ATP13A3: variants seen among roughly 807,000 people sequenced by gnomAD.
ATP13A3 encodes polyamine-transporting ATPase 13A3.
In ATP13A3, 59 loss-of-function variants were observed where a neutral mutation model predicts 158.1. That is an observed-to-expected ratio of 0.37 (90% CI 0.30 to 0.46). The LOEUF (loss-of-function observed/expected upper bound fraction) is 0.46, where lower values mean the gene tolerates loss of function less well. ATP13A3 is among the 20% of genes least tolerant of loss of function. The pLI is 1.00. For synonymous variants in ATP13A3, 491 were observed against 504.3 expected (o/e 0.97, Z 0.35); for missense variants, 1,166 against 1,525.2 (o/e 0.76, Z 3.92).
chr3:194,428,076 C>A (rs1379159258), intron 28 of ATP13A3, among the ~76,000 whole-genome samples: 2 of 151,936 alleles, frequency 1.3e-5, no homozygotes, highest in Non-Finnish European at 1.5e-5. Flanking sequence ...TAAAAATTAG[C>A]AGGGCATGAT....
rs1041524827 is a variant in ATP13A3, at chr3:194,412,215, G to A, written c.3557C>T (p.Thr1186Ile). ...AGTTCCAACCTGCGGTGGCTGTGTG[G>A]TGCTGAACCGATACTCTCCTTGTTT... Reference protein sequence around the residue: ...RDKQGEYRFSTTQPPQESVDR... With the variant: ...RDKQGEYRFSITQPPQESVDR... The change falls in exon 33 of 34, where the codon ACC becomes ATC. Residue 1186 changes from threonine to isoleucine, a missense_variant. Thr to Ile is a moderately conservative substitution (Grantham distance 89). Around this residue, in one of 3 missense-constraint regions of ATP13A3, gnomAD observed 997 missense variants for 1,341.2 expected, o/e 0.74. Transcript: ENST00000645319. 23 of 1,536,180 alleles carry A rather than the reference G, an allele frequency of 1.5e-5. No individual in the cohort carries two copies. The highest frequency in any genetic ancestry group is 6.8e-5 in the African/African-American group (5 of 73,030).
At chr3:194,433,953 T>A (rs1717436374) in intron 20 of ATP13A3, 57 bp from the exon 21 acceptor site, 1 of 1,522,440 alleles carries the variant, frequency 6.6e-7, no homozygotes, top group Non-Finnish European at 9.0e-7. Flanking sequence ...AAGCAACTTA[T>A]GTACACAAAC....
chr3:194,426,215 T>G (rs935927211), intron 29 of ATP13A3, among the ~76,000 whole-genome samples: 1 of 152,180 alleles, frequency 6.6e-6, no homozygotes, highest in Non-Finnish European at 1.5e-5. Flanking sequence ...GCAGTGTTTC[T>G]ACGCACATAT....
At chr3:194,470,682 T>G (rs1010611854) in intron 2 of ATP13A3, among the ~76,000 whole-genome samples, 2 of 152,240 alleles carry the variant, frequency 1.3e-5, no homozygotes, top group African/African-American at 4.8e-5. Flanking sequence ...ATTTCAATTA[T>G]TCAAGCTACT....
At position 194,414,715 on chromosome 3, in the gene ATP13A3, C is replaced by T. The variant is rs917462880; in HGVS notation, c.3403-876G>A. Reference sequence around the variant, plus strand: ...AAAGGCACAGATAAATAGACACACACGCATGTACACAAGCATGCACACTTC... The same window carrying T: ...AAAGGCACAGATAAATAGACACACATGCATGTACACAAGCATGCACACTTC... On this transcript the variant is annotated intron_variant, in intron 31 of 33. Coordinates refer to ENST00000645319, the MANE Select transcript of ATP13A3 (RefSeq NM_001367549.1). 7.2e-5 allele frequency among the ~76,000 whole-genome samples: 11 copies of T among 152,238 alleles called. 1 individual carries two copies. Among genetic ancestry groups the T allele is most frequent in the South Asian group, 6.2e-4 (3 of 4,818 alleles).
At chr3:194,430,018 C>CTG in intron 26 of ATP13A3, 54 bp downstream of exon 26, 2 of 1,425,326 alleles carry the variant, frequency 1.4e-6, no homozygotes, top group South Asian at 2.5e-5. Context: ...ATTTTCTCTT[C>CTG]TGTATTATCA....
In ATP13A3 at chr3:194,448,014, CA is replaced by C. The variant is rs754451904; in HGVS notation, c.1151-6del. ...GTCCTTTGGAAGTACTAAATCCTTT[CA>C]AAAAAAGAAGACAATTATTGATATT... On this transcript the variant is annotated splice_region_variant and splice_polypyrimidine_tract_variant and intron_variant, in intron 12 of 33. Coordinates refer to ENST00000645319, the MANE Select transcript of ATP13A3 (RefSeq NM_001367549.1). This position sits in a 1 kb window ranked among gnomAD's most constrained non-coding sequence, Gnocchi z 4.0. The C allele has an allele frequency of 1.9e-6, 3 of 1,580,212 alleles. No individual in the cohort carries two copies. Among genetic ancestry groups the C allele is most frequent in the Non-Finnish European group, 1.7e-6 (2 of 1,160,372 alleles).
In ATP13A3 at chr3:194,409,693, A is replaced by ATTT. The variant is rs71179358; in HGVS notation, c.3573+2503_3573+2505dup. ...TGCTTGATAATCACTGACGTAAAGA[A>ATTT]TTTTTTTTTTTTTTTTTTTTTTTTT... On this transcript the variant is annotated intron_variant, in intron 33 of 33. Transcript: ENST00000645319. Among the ~76,000 whole-genome samples, 244 of 93,996 alleles carry ATTT rather than the reference A, an allele frequency of 2.6e-3. 11 individuals are homozygous for ATTT. The highest frequency in any genetic ancestry group is 0.011 in the African/African-American group (219 of 20,354). 61.7% of individuals were successfully genotyped at this position (93,996 alleles called of 152,430 possible).
chr3:194,475,509 C>G (rs542379564), intron 2 of ATP13A3, among the ~76,000 whole-genome samples: 15 of 152,248 alleles, frequency 9.9e-5, no homozygotes, highest in African/African-American at 3.6e-4. Flanking sequence ...AGTCCTTTGT[C>G]TAATCTGAAA....
chr3:194,452,219 T>C (rs1284132807), intron 10 of ATP13A3: 1 of 151,692 alleles, frequency 6.6e-6, no homozygotes, highest in African/African-American at 2.4e-5. Flanking sequence ...CTGGGTGTGA[T>C]GGTGTGTACG....
At chr3:194,482,970 G>C (rs1720812168) in intron 2 of ATP13A3, among the ~76,000 whole-genome samples, 1 of 152,100 alleles carries the variant, frequency 6.6e-6, no homozygotes, top group Non-Finnish European at 1.5e-5. Context: ...AGCCAGGCAT[G>C]GTGGTGGGCA....
upstream of ATP13A3, among the ~76,000 whole-genome samples, chr3:194,491,350 G>A (rs1721143235): frequency 6.6e-6 from 1 of 152,098 alleles, no homozygotes; most frequent in South Asian, 2.1e-4. Flanking sequence ...AACAACTGCT[G>A]AAGCCCAAAA....
At chr3:194,420,130 G>A in intron 30 of ATP13A3, 163 bp from the exon 31 acceptor site, 1 of 694,754 alleles carries the variant, frequency 1.4e-6, no homozygotes, top group Middle Eastern at 5.1e-4. Context: ...TGGAGTATGA[G>A]ACATTGTTCG....
In ATP13A3 at chr3:194,454,409, T is replaced by C. The variant is rs199743787; in HGVS notation, c.631-17A>G. 37 of 1,601,600 alleles carry C rather than the reference T, an allele frequency of 2.3e-5. No homozygotes were observed. Among genetic ancestry groups the C allele is most frequent in the Non-Finnish European group, 2.7e-5 (32 of 1,170,964 alleles). On this transcript the variant is annotated splice_polypyrimidine_tract_variant and intron_variant, in intron 8 of 33. Transcript: ENST00000645319. The stretch of plus-strand genomic sequence containing the variant: ...GTTGAGAACCTAAAAAACAAGATTT[T>C]AAAGTCAAACTGAATGAGGTATTAA...
chr3:194,461,821 A>T (rs916629463), intron 3 of ATP13A3, among the ~76,000 whole-genome samples: 2 of 152,190 alleles, frequency 1.3e-5, no homozygotes, highest in African/African-American at 2.4e-5. Flanking sequence ...TTGTAAGTCA[A>T]AATTAGAAAT....
chr3:194,453,522 C>T (rs1718972837), intron 10 of ATP13A3, among the ~76,000 whole-genome samples, 184 bp downstream of exon 10: 1 of 152,052 alleles, frequency 6.6e-6, no homozygotes, highest in Non-Finnish European at 1.5e-5. Context: ...TTACTTGAGT[C>T]TGGGAGGTCA....
intron 10 of ATP13A3, 43 bp downstream of exon 10, chr3:194,453,663 A>G (rs1227468685): frequency 1.3e-6 from 2 of 1,484,304 alleles, no homozygotes; most frequent in South Asian, 1.1e-5. Context: ...TATGCCTAAC[A>G]GGTATCTTTT....
chr3:194,476,678 C>T (rs1198823575), intron 2 of ATP13A3, among the ~76,000 whole-genome samples: 2 of 152,136 alleles, frequency 1.3e-5, no homozygotes, highest in Admixed American at 1.3e-4. Flanking sequence ...ATGACCATTT[C>T]CCTCTCTACA....
chr3:194,481,068 A>G (rs1322155978), intron 2 of ATP13A3, among the ~76,000 whole-genome samples: 1 of 152,210 alleles, frequency 6.6e-6, no homozygotes, highest in Non-Finnish European at 1.5e-5. Flanking sequence ...ACTACACAGG[A>G]TTTTTATCTG....
Sources: allele counts gnomAD v4.1 joint callset (sites outside exome capture counted in the v4.1 genomes callset), GRCh38; gene constraint gnomAD v4.1.1; regional missense constraint gnomAD v4.1.1; non-coding constraint Gnocchi (gnomAD v3.1); transcripts MANE v1.5; gene names NCBI Gene and HGNC (gene_info 2026-07-23, HGNC 2026-07-21).